ARHGAP15: variants seen among roughly 807,000 people sequenced by gnomAD.
ARHGAP15 encodes the protein rho GTPase-activating protein 15.
In ARHGAP15, 51 loss-of-function variants were observed where a neutral mutation model predicts 63.7. That is an observed-to-expected ratio of 0.80 (90% CI 0.64 to 1.01). The LOEUF (loss-of-function observed/expected upper bound fraction) is 1.01, where lower values mean the gene tolerates loss of function less well. Ranked by LOEUF, ARHGAP15 falls within the 50% of genes least tolerant of loss-of-function variation. The pLI is 0.00. For synonymous variants in ARHGAP15, 191 were observed against 193.8 expected (o/e 0.99, Z 0.12); for missense variants, 560 against 564.6 (o/e 0.99, Z 0.08).
chr2:143,387,936 T>C, intron 6 of ARHGAP15, among the ~76,000 whole-genome samples: 1 of 151,078 alleles, frequency 6.6e-6, no homozygotes. Context: ...CACGCATGCA[T>C]GCACATACAC....
intron 6 of ARHGAP15, among the ~76,000 whole-genome samples, chr2:143,266,936 C>A (rs1681029196): frequency 6.6e-6 from 1 of 152,154 alleles, no homozygotes; most frequent in South Asian, 2.1e-4. Flanking sequence ...CAGTTCCATA[C>A]TGTCTTCAGT....
At chr2:143,456,241 A>G (rs1250784580) in intron 8 of ARHGAP15, among the ~76,000 whole-genome samples, 1 of 152,112 alleles carries the variant, frequency 6.6e-6, no homozygotes, top group Non-Finnish European at 1.5e-5. Flanking sequence ...TTGGCTATTA[A>G]CATTGAGACT....
intron 6 of ARHGAP15, among the ~76,000 whole-genome samples, chr2:143,282,211 T>C (rs1384708242): frequency 6.6e-6 from 1 of 152,068 alleles, no homozygotes; most frequent in Non-Finnish European, 1.5e-5. Context: ...TCTCTATTAC[T>C]TTAATAATAA....
chr2:143,602,189 TTAC>T (rs1697798911), intron 11 of ARHGAP15, among the ~76,000 whole-genome samples: 1 of 152,126 alleles, frequency 6.6e-6, no homozygotes, highest in Non-Finnish European at 1.5e-5. Context: ...CATGTACACG[TTAC>T]AAAAATAACA....
At chr2:143,462,808 C>T (rs548731572) in intron 8 of ARHGAP15, among the ~76,000 whole-genome samples, 73 of 152,110 alleles carry the variant, frequency 4.8e-4, no homozygotes, top group East Asian at 1.2e-3. Context: ...GATGGACAGA[C>T]GGACAGACAG....
At chr2:143,659,620 A>G (rs1681643002) in intron 12 of ARHGAP15, among the ~76,000 whole-genome samples, 1 of 152,184 alleles carries the variant, frequency 6.6e-6, no homozygotes, top group Admixed American at 6.5e-5. Context: ...ATTCTCTAGC[A>G]GTATCCCTTC....
At chr2:143,377,000 C>A (rs1194217745) in intron 6 of ARHGAP15, among the ~76,000 whole-genome samples, 8 of 152,060 alleles carry the variant, frequency 5.3e-5, no homozygotes, top group Non-Finnish European at 1.0e-4. Context: ...AACTTCAATT[C>A]ATTTGCCTGG....
chr2:143,408,328 T>C (rs752954222), intron 6 of ARHGAP15, among the ~76,000 whole-genome samples: 58 of 150,746 alleles, frequency 3.8e-4, no homozygotes, highest in Non-Finnish European at 6.4e-4. Flanking sequence ...TTTTATATAA[T>C]TTTTTTATAT....
chr2:143,338,358 C>A (rs1278204000), intron 6 of ARHGAP15, among the ~76,000 whole-genome samples: 2 of 152,182 alleles, frequency 1.3e-5, no homozygotes, highest in African/African-American at 4.8e-5. Flanking sequence ...GTACCTTCAA[C>A]TCACGTGGAT....
chr2:143,599,753 G>A (rs553490056), intron 11 of ARHGAP15, among the ~76,000 whole-genome samples: 14 of 152,062 alleles, frequency 9.2e-5, no homozygotes, highest in Non-Finnish European at 1.8e-4. Context: ...TATGCTTGAC[G>A]CTTTCCATTG....
chr2:143,582,479 T>C (rs1696949668), intron 11 of ARHGAP15, among the ~76,000 whole-genome samples: 2 of 152,154 alleles, frequency 1.3e-5, no homozygotes. Flanking sequence ...GGGGCATTGA[T>C]AAATCCTACC....
At chr2:143,249,657 C>T (rs940192280) in intron 5 of ARHGAP15, among the ~76,000 whole-genome samples, 5 of 151,764 alleles carry the variant, frequency 3.3e-5, no homozygotes, top group African/African-American at 9.7e-5. Context: ...AAATAATTGG[C>T]GGTATGGAGG....
At chr2:143,726,283 TAAAG>T (rs2105473860) in intron 13 of ARHGAP15, among the ~76,000 whole-genome samples, 2 of 152,286 alleles carry the variant, frequency 1.3e-5, no homozygotes, top group South Asian at 4.1e-4. Context: ...CAATCAATTT[TAAAG>T]AAAAAGCTAA....
At chr2:143,385,193 C>CTGA (rs1687225127) in intron 6 of ARHGAP15, among the ~76,000 whole-genome samples, 1 of 152,048 alleles carries the variant, frequency 6.6e-6, no homozygotes. Context: ...GAGTGTCTGC[C>CTGA]TGATCTAGGA....
At chr2:143,327,003 T>C (rs541469661) in intron 6 of ARHGAP15, among the ~76,000 whole-genome samples, 1 of 152,170 alleles carries the variant, frequency 6.6e-6, no homozygotes, top group Non-Finnish European at 1.5e-5. Flanking sequence ...CATGATTGTA[T>C]ATTTAGAAAA....
At chr2:143,326,651 ATAT>A (rs1390392521) in intron 6 of ARHGAP15, among the ~76,000 whole-genome samples, 2 of 152,112 alleles carry the variant, frequency 1.3e-5, no homozygotes, top group African/African-American at 2.4e-5. Flanking sequence ...CTATTTTCCA[ATAT>A]TATTTCTGAG....
In ARHGAP15 at chr2:143,673,746, G is replaced by GTATATATATATATATA. The variant is rs1405952200; in HGVS notation, c.1139-29672_1139-29671insATATATATATATATAT. Among the ~76,000 whole-genome samples the GTATATATATATATATA allele has an allele frequency of 3.9e-3, 115 of 29,596 alleles. 3 individuals carry two copies. Among genetic ancestry groups the GTATATATATATATATA allele is most frequent in the East Asian group, 9.8e-3 (5 of 510 alleles). The allele number at this position is 29,596 out of a possible 152,430, so 19.4% of individuals were successfully genotyped here. ...ATTGTGTGTGTGTGTGTGTGTGTGT[G>GTATATATATATATATA]TGTGTGTGTGTGTATATATATATAT... On this transcript the variant is annotated intron_variant, in intron 12 of 13. Transcript: ENST00000295095.
chr2:143,561,063 G>T (rs1216950578), intron 11 of ARHGAP15, among the ~76,000 whole-genome samples: 2 of 152,178 alleles, frequency 1.3e-5, no homozygotes, highest in Non-Finnish European at 1.5e-5. Flanking sequence ...CACTTTTCTT[G>T]CATGGGGGGT....
intron 13 of ARHGAP15, among the ~76,000 whole-genome samples, chr2:143,747,081 G>C (rs538891018): frequency 2.0e-5 from 3 of 152,052 alleles, no homozygotes; most frequent in African/African-American, 7.2e-5. Context: ...GGCCTGTCAG[G>C]GGGTGGGGAG....
Sources: allele counts gnomAD v4.1 joint callset (sites outside exome capture counted in the v4.1 genomes callset), GRCh38; gene constraint gnomAD v4.1.1; transcripts MANE v1.5; gene names NCBI Gene and HGNC (gene_info 2026-07-23, HGNC 2026-07-21).